The following TCERG1L variants were observed in gnomAD, a reference collection of about 807,000 sequenced individuals.
TCERG1L encodes the protein transcription elongation regulator 1-like protein.
In TCERG1L, 37 loss-of-function variants were observed where a neutral mutation model predicts 56.3. The observed-to-expected ratio is 0.66, with a 90% CI of 0.51 to 0.87. TCERG1L has a LOEUF of 0.87. Among genes scored for constraint, TCERG1L ranks in the 40% least tolerant of loss-of-function variants. The probability of loss-of-function intolerance (pLI) is 0.00; values close to 1 mark genes in which losing one functional copy is unlikely to be tolerated. For missense variants in TCERG1L, 799 were observed against 774.2 expected, an observed-to-expected ratio of 1.03 and a Z score of -0.38; for synonymous variants, 324 against 326.3, an observed-to-expected ratio of 0.99 and a Z score of 0.08.
chr10:131,270,370 C>T (rs906070649), intron 3 of TCERG1L, among the ~76,000 whole-genome samples: 1 of 152,212 alleles, frequency 6.6e-6, no homozygotes, highest in African/African-American at 2.4e-5. Context: ...CCATAACTAA[C>T]TTTCCCCAAA....
intron 4 of TCERG1L, among the ~76,000 whole-genome samples, chr10:131,234,203 G>T (rs1028569930): frequency 1.3e-5 from 2 of 152,180 alleles, no homozygotes; most frequent in Non-Finnish European, 2.9e-5. Context: ...AAGATCATCA[G>T]GTATTTTTGT....
chr10:131,291,397 A>ATTTTT (rs1564835283), intron 3 of TCERG1L, among the ~76,000 whole-genome samples: 6 of 60,188 alleles, frequency 1.0e-4, no homozygotes, highest in Non-Finnish European at 9.7e-5. Flanking sequence ...CATAAACAGC[A>ATTTTT]TTTCTTTTTT....
At position 131,155,686 on chromosome 10, in the gene TCERG1L, G is replaced by C. The variant is rs569615567; in HGVS notation, c.1034+7436C>G. 1.2e-4 allele frequency among the ~76,000 whole-genome samples: 19 copies of C among 152,308 alleles called. No homozygotes were observed. In the South Asian group the frequency reaches 1.5e-3, roughly 12 times the overall value. On this transcript the variant is annotated intron_variant, in intron 6 of 11. Transcript: ENST00000368642. ...GCCACCGGCCCCATGCAGGCAGGGGGCTGACAGCACGTCCGGGAGCTGGTG... is the reference window on the plus strand; with the variant it reads ...GCCACCGGCCCCATGCAGGCAGGGGCCTGACAGCACGTCCGGGAGCTGGTG...
intron 8 of TCERG1L, among the ~76,000 whole-genome samples, chr10:131,123,979 A>T (rs1282756966): frequency 3.3e-5 from 5 of 152,156 alleles, no homozygotes; most frequent in Non-Finnish European, 7.3e-5. Flanking sequence ...CACCTGGAGG[A>T]AAAGATGCCT....
chr10:131,144,541 A>G (rs1845773944), intron 7 of TCERG1L, among the ~76,000 whole-genome samples: 1 of 152,042 alleles, frequency 6.6e-6, no homozygotes, highest in Non-Finnish European at 1.5e-5. Flanking sequence ...GGCAACCGGA[A>G]GTTGAGAATC....
intron 4 of TCERG1L, among the ~76,000 whole-genome samples, chr10:131,255,505 T>C (rs766443606): frequency 2.0e-5 from 3 of 152,184 alleles, no homozygotes; most frequent in African/African-American, 7.2e-5. Flanking sequence ...GAGGTGAGGC[T>C]GGGGTACTGG....
At chr10:131,236,864 C>T (rs1845918736) in intron 4 of TCERG1L, among the ~76,000 whole-genome samples, 1 of 151,976 alleles carries the variant, frequency 6.6e-6, no homozygotes, top group African/African-American at 2.4e-5. Context: ...GAGAATGGAC[C>T]ATCCACTGTC....
At chr10:131,237,121 C>G (rs1201424707) in intron 4 of TCERG1L, among the ~76,000 whole-genome samples, 1 of 152,032 alleles carries the variant, frequency 6.6e-6, no homozygotes, top group East Asian at 1.9e-4. Flanking sequence ...GTGAACATGT[C>G]AGGCTCACTC....
chr10:131,164,981 T>C (rs1335404913), intron 5 of TCERG1L, among the ~76,000 whole-genome samples: 1 of 152,226 alleles, frequency 6.6e-6, no homozygotes, highest in African/African-American at 2.4e-5. Flanking sequence ...CTGCACTGTG[T>C]CAGCTGCTTT....
chr10:131,231,893 C>T (rs536639440), intron 4 of TCERG1L, among the ~76,000 whole-genome samples: 2 of 152,170 alleles, frequency 1.3e-5, no homozygotes, highest in Non-Finnish European at 2.9e-5. Context: ...CCAGCCACTG[C>T]AGAGGCTGAG....
At chr10:131,189,555 C>T (rs1429616973) in intron 4 of TCERG1L, among the ~76,000 whole-genome samples, 1 of 152,086 alleles carries the variant, frequency 6.6e-6, no homozygotes, top group African/African-American at 2.4e-5. Context: ...TCTATATATA[C>T]CACATTTCCT....
chr10:131,096,128 T>C (rs566333855), intron 11 of TCERG1L, among the ~76,000 whole-genome samples: 1 of 152,244 alleles, frequency 6.6e-6, no homozygotes, highest in Admixed American at 6.5e-5. Flanking sequence ...CTTTCTGAGG[T>C]GTGTGTGGTC....
intron 3 of TCERG1L, among the ~76,000 whole-genome samples, chr10:131,279,584 G>A (rs531858945): frequency 1.4e-3 from 220 of 152,250 alleles, no homozygotes; most frequent in Non-Finnish European, 2.4e-3. Flanking sequence ...CATCCAAGGC[G>A]CCCAGATGAA....
At chr10:131,273,245 G>C (rs530903855) in intron 3 of TCERG1L, among the ~76,000 whole-genome samples, 4 of 152,300 alleles carry the variant, frequency 2.6e-5, no homozygotes, top group Admixed American at 1.3e-4. Context: ...TCAGGACATA[G>C]CCTGGATGGC....
At chr10:131,163,705 G>A (rs1846001671) in intron 5 of TCERG1L, among the ~76,000 whole-genome samples, 2 of 152,170 alleles carry the variant, frequency 1.3e-5, no homozygotes, top group East Asian at 1.9e-4. Context: ...GCCACATAGA[G>A]TCTAGTTCCT....
chr10:131,119,945 G>C (rs1845497022), intron 8 of TCERG1L, among the ~76,000 whole-genome samples: 1 of 152,180 alleles, frequency 6.6e-6, no homozygotes, highest in Admixed American at 6.5e-5. Flanking sequence ...AAAGGGGCCT[G>C]GTCTTGGCCA....
chr10:131,116,733 G>T, intron 9 of TCERG1L, 66 bp downstream of exon 9: 1 of 1,536,322 alleles, frequency 6.5e-7, no homozygotes, highest in Non-Finnish European at 8.7e-7. Context: ...AGGCAGGGAC[G>T]GCCACTCAGC....
chr10:131,124,783 C>A (rs557629000), intron 8 of TCERG1L, among the ~76,000 whole-genome samples: 1 of 152,164 alleles, frequency 6.6e-6, no homozygotes, highest in African/African-American at 2.4e-5. Flanking sequence ...GAACGCTGGG[C>A]GCTAATAAAA....
chr10:131,224,502 A>G (rs1262438347), intron 4 of TCERG1L, among the ~76,000 whole-genome samples: 1 of 152,182 alleles, frequency 6.6e-6, no homozygotes, highest in African/African-American at 2.4e-5. Flanking sequence ...CTAATTCACC[A>G]GGGATCCTTG....
Sources: allele counts gnomAD v4.1 joint callset (sites outside exome capture counted in the v4.1 genomes callset), GRCh38; gene constraint gnomAD v4.1.1; transcripts MANE v1.5; gene names NCBI Gene and HGNC (gene_info 2026-07-23, HGNC 2026-07-21).